Variants in TNRC18 observed in about 807,000 individuals in gnomAD.
TNRC18 encodes the protein trinucleotide repeat containing 18.
In TNRC18, 69 loss-of-function variants were observed where a neutral mutation model predicts 226.7. The ratio of observed to expected loss-of-function variants is 0.30; its 90% CI spans 0.25 to 0.37. TNRC18 has a LOEUF of 0.37. Among genes scored for constraint, TNRC18 ranks in the 10% least tolerant of loss-of-function variants. The probability of loss-of-function intolerance (pLI) is 1.00; values close to 1 mark genes in which losing one functional copy is unlikely to be tolerated. For synonymous variants in TNRC18, 2,449 were observed against 1,927.6 expected (o/e 1.27, Z -7.09); for missense variants, 4,754 against 4,256.6 (o/e 1.12, Z -3.25).
intron 9 of TNRC18, 21 bp from the exon 10 acceptor site, chr7:5,374,505 A>C: frequency 6.5e-7 from 1 of 1,538,478 alleles, no homozygotes; most frequent in Non-Finnish European, 8.8e-7. Flanking sequence ...GCCGGCAGGC[A>C]GGGTCAGCAC....
At chr7:5,409,463 C>T (rs1401526003) in intron 2 of TNRC18, among the ~76,000 whole-genome samples, 1 of 146,388 alleles carries the variant, frequency 6.8e-6, no homozygotes, top group Admixed American at 6.8e-5. Flanking sequence ...GGTGGCGCAC[C>T]CCTGTAGTCC....
chr7:5,350,664 G>A (rs1365481487), intron 17 of TNRC18, among the ~76,000 whole-genome samples: 1 of 152,196 alleles, frequency 6.6e-6, no homozygotes, highest in African/African-American at 2.4e-5. Flanking sequence ...CTTTCTTGGG[G>A]CATTTCTGGT....
rs1174727786 is a variant in TNRC18 at position 5,419,639 on chromosome 7, G to A, written c.187+1421C>T. Among the ~76,000 whole-genome samples the A allele has an allele frequency of 8.5e-5, 13 of 152,132 alleles. No individual in the cohort carries two copies. The South Asian group carries it at 2.3e-3, about 27-fold the overall frequency. The stretch of plus-strand genomic sequence containing the variant: ...CTTGCCCCGGTCACAGACCCCGGGC[G>A]GAATACGCCCCCAGCTCCGGAGGGA... On this transcript the variant is annotated intron_variant, in intron 2 of 29. Transcript: ENST00000430969.
intron 19 of TNRC18, among the ~76,000 whole-genome samples, chr7:5,329,169 G>T (rs1789249096): frequency 6.6e-6 from 1 of 152,008 alleles, no homozygotes; most frequent in Non-Finnish European, 1.5e-5. Flanking sequence ...CGAGCATGGT[G>T]GTGAGCGCCT....
chr7:5,392,483 G>A (rs1302022353), intron 3 of TNRC18, among the ~76,000 whole-genome samples: 4 of 151,760 alleles, frequency 2.6e-5, no homozygotes, highest in African/African-American at 7.3e-5. Flanking sequence ...GCGTGGTGGC[G>A]CACGCCTGTA....
intron 2 of TNRC18, among the ~76,000 whole-genome samples, chr7:5,410,587 C>T (rs1220664981): frequency 1.3e-5 from 2 of 152,030 alleles, no homozygotes; most frequent in Non-Finnish European, 2.9e-5. Context: ...TAACCGTGGC[C>T]AGGCGGAGTG....
intron 5 of TNRC18, among the ~76,000 whole-genome samples, chr7:5,381,858 C>T (rs994118498): frequency 6.6e-6 from 1 of 152,022 alleles, no homozygotes; most frequent in South Asian, 2.1e-4. Context: ...CCCAGCAACT[C>T]AGGAAGCTGA....
chr7:5,307,190 ATTCTGCACGTCAGAATGTT>A lies in TNRC18; in HGVS notation c.*897_*915del, dbSNP rs1424349014. On this transcript the variant is annotated 3_prime_UTR_variant, in exon 30 of 30. Coordinates refer to ENST00000430969, the MANE Select transcript of TNRC18 (RefSeq NM_001080495.3). Reference sequence around the variant, plus strand: ...AATCTAACAGGAAATAAAAAATAATATTCTGCACGTCAGAATGTTTTTTTTTATAATTTCATAGCTATTT... The same window carrying A: ...AATCTAACAGGAAATAAAAAATAATATTTTTTTATAATTTCATAGCTATTT... The A allele has an allele frequency of 1.5e-5, 2 of 130,298 alleles. No individual in the cohort carries two copies. The highest frequency in any genetic ancestry group is 3.2e-5 in the Non-Finnish European group (2 of 62,118). 8.1% of individuals were successfully genotyped at this position (130,298 alleles called of 1,614,324 possible). A position where few individuals can be genotyped will look rare whatever the true frequency, so the allele number is the denominator to read the frequency against.
chr7:5,361,456 G>T, intron 14 of TNRC18, 138 bp downstream of exon 14: 1 of 1,092,346 alleles, frequency 9.2e-7, no homozygotes, highest in Non-Finnish European at 1.2e-6. Context: ...CGTGCTCCCC[G>T]AGGGCCACTG....
intron 17 of TNRC18, among the ~76,000 whole-genome samples, chr7:5,349,591 T>C (rs1791570616): frequency 6.6e-6 from 1 of 152,178 alleles, no homozygotes; most frequent in African/African-American, 2.4e-5. Context: ...AAAAGCGTTT[T>C]GCCTACCTAC....
intron 3 of TNRC18, among the ~76,000 whole-genome samples, chr7:5,392,090 C>T (rs1426734372): frequency 2.6e-5 from 4 of 151,998 alleles, no homozygotes; most frequent in Admixed American, 1.3e-4. Context: ...TCTCCAGCAC[C>T]GCCTTGTCAA....
Position 5,377,316 on chromosome 7 carries a change from G to GCCCCCC in TNRC18, c.2461+54_2461+55insGGGGGG. 112 of 453,268 alleles carry GCCCCCC rather than the reference G, an allele frequency of 2.5e-4. No individual in the cohort carries two copies. The highest frequency in any genetic ancestry group is 5.5e-4 in the East Asian group (9 of 16,400). 28.1% of individuals were successfully genotyped at this position (453,268 alleles called of 1,614,324 possible). A position where few individuals can be genotyped will look rare whatever the true frequency, so the allele number is the denominator to read the frequency against. ...AGCCCTGAGCTCTTGTCCTGCACCC[G>GCCCCCC]CCCCCTCCCACCCCTCCCTCAGAGA... On this transcript the variant is annotated intron_variant, in intron 7 of 29. Coordinates refer to ENST00000430969, the MANE Select transcript of TNRC18 (RefSeq NM_001080495.3). The surrounding 1 kb of genome is among the most constrained non-coding windows in gnomAD (Gnocchi z 5.8).
At chr7:5,329,868 T>A (rs1038106509) in intron 19 of TNRC18, 1 of 469,102 alleles carries the variant, frequency 2.1e-6, no homozygotes, top group Non-Finnish European at 4.4e-6. Flanking sequence ...GGCCCAGGGT[T>A]TCCAATTCCT....
intron 25 of TNRC18, 115 bp from the exon 26 acceptor site, chr7:5,315,263 T>A: frequency 8.5e-7 from 1 of 1,173,540 alleles, no homozygotes. Flanking sequence ...CGACACCAGG[T>A]GGCTGACCCC....
chr7:5,400,623 T>G (rs1028028863), intron 2 of TNRC18, among the ~76,000 whole-genome samples: 3 of 151,922 alleles, frequency 2.0e-5, no homozygotes, highest in African/African-American at 7.3e-5. Flanking sequence ...AATAAATAAA[T>G]ATTCAATTTT....
At chr7:5,361,369 C>T (rs562211747) in intron 14 of TNRC18, among the ~76,000 whole-genome samples, 13 of 152,296 alleles carry the variant, frequency 8.5e-5, no homozygotes, top group South Asian at 6.2e-4. Context: ...GGTTAGGACA[C>T]GGGAAAAATC....
At chr7:5,320,289 AG>A (rs1288440578) in intron 24 of TNRC18, 28 bp downstream of exon 24, 24 of 1,518,538 alleles carry the variant, frequency 1.6e-5, no homozygotes, top group Middle Eastern at 4.1e-4. Flanking sequence ...GTTAGGCGGC[AG>A]GGGAGAGCTG....
At chr7:5,421,653 A>C (rs1782594546) in intron 1 of TNRC18, among the ~76,000 whole-genome samples, 164 bp from the exon 2 acceptor site, 1 of 152,210 alleles carries the variant, frequency 6.6e-6, no homozygotes, top group Non-Finnish European at 1.5e-5. Flanking sequence ...TTTCCACTGA[A>C]AAATGAAATC....
At chr7:5,379,235 C>A (rs992683888) in intron 5 of TNRC18, among the ~76,000 whole-genome samples, 27 of 151,536 alleles carry the variant, frequency 1.8e-4, no homozygotes, top group African/African-American at 6.1e-4. Flanking sequence ...CACACACACA[C>A]AAAAATTAGG....
Sources: allele counts gnomAD v4.1 joint callset (sites outside exome capture counted in the v4.1 genomes callset), GRCh38; gene constraint gnomAD v4.1.1; non-coding constraint Gnocchi (gnomAD v3.1); transcripts MANE v1.5; gene names NCBI Gene and HGNC (gene_info 2026-07-23, HGNC 2026-07-21).